GAN: variants seen among roughly 807,000 people sequenced by gnomAD.
The protein encoded by GAN is epididymis secretory sperm binding protein.
GAN carries 48 observed loss-of-function variants against 71.3 expected under a neutral mutation model. The ratio of observed to expected loss-of-function variants is 0.67; its 90% confidence interval spans 0.53 to 0.86. The LOEUF is 0.86. Ranked by LOEUF, GAN falls within the 40% of genes least tolerant of loss-of-function variation. The probability of loss-of-function intolerance (pLI) is 0.00; values close to 1 mark genes in which losing one functional copy is unlikely to be tolerated. For synonymous variants in GAN, 386 were observed against 276.8 expected (o/e 1.39, Z -3.92); for missense variants, 928 against 770.1 (o/e 1.21, Z -2.43).
rs1434038541 is a variant in GAN at position 81,382,319 on chromosome 16, T to TTTAG, written c.*4725_*4728dup. ...TATTTTTAGTAATAGAATAATCATT[T>TTTAG]TTAGTATTAATACAATTTACGCTCC... On this transcript the variant is annotated 3_prime_UTR_variant, in exon 11 of 11. Coordinates refer to ENST00000648994, the MANE Select transcript of GAN (RefSeq NM_022041.4). 1.3e-5 allele frequency: 2 copies of TTTAG among 152,238 alleles called. No homozygotes were observed. The highest frequency in any genetic ancestry group is 2.9e-5 in the Non-Finnish European group (2 of 68,044). The allele number at this position is 152,238 out of a possible 1,614,324, so 9.4% of individuals were successfully genotyped here.
chr16:81,322,514 C>G (rs918900945), intron 1 of GAN, among the ~76,000 whole-genome samples: 3 of 152,136 alleles, frequency 2.0e-5, no homozygotes, highest in Non-Finnish European at 2.9e-5. Context: ...GAAATACAGA[C>G]CAATTAAATA....
chr16:81,359,897 T>C (rs1172909158), intron 5 of GAN, among the ~76,000 whole-genome samples: 4 of 152,232 alleles, frequency 2.6e-5, no homozygotes, highest in Non-Finnish European at 5.9e-5. Context: ...AATATCTTAC[T>C]TTACTGAACT....
intron 1 of GAN, among the ~76,000 whole-genome samples, chr16:81,327,273 T>C (rs1187592589): frequency 6.6e-6 from 1 of 152,208 alleles, no homozygotes; most frequent in East Asian, 1.9e-4. Flanking sequence ...TTCAAGTTGT[T>C]TGGAGAAGTT....
intron 9 of GAN, among the ~76,000 whole-genome samples, chr16:81,372,734 A>T (rs1911076109): frequency 6.6e-6 from 1 of 152,238 alleles, no homozygotes; most frequent in South Asian, 2.1e-4. Flanking sequence ...TCTGGGAAGA[A>T]CTTAAATGCC....
intron 1 of GAN, among the ~76,000 whole-genome samples, chr16:81,348,065 C>T (rs1187841240): frequency 6.6e-6 from 1 of 152,078 alleles, no homozygotes; most frequent in Non-Finnish European, 1.5e-5. Flanking sequence ...GTTGCCCAGT[C>T]TGGTCTTGAA....
At chr16:81,318,438 G>C (rs1490626491) in intron 1 of GAN, among the ~76,000 whole-genome samples, 1 of 152,154 alleles carries the variant, frequency 6.6e-6, no homozygotes, top group African/African-American at 2.4e-5. Flanking sequence ...GGAGGCGGGA[G>C]GATCGTTTGA....
At chr16:81,342,562 A>G (rs1028428564) in intron 1 of GAN, among the ~76,000 whole-genome samples, 1 of 152,218 alleles carries the variant, frequency 6.6e-6, no homozygotes, top group African/African-American at 2.4e-5. Flanking sequence ...AGGCAGAAAT[A>G]AAGATTTTCT....
At chr16:81,360,751 A>C (rs1462559988) in intron 5 of GAN, among the ~76,000 whole-genome samples, 1 of 151,874 alleles carries the variant, frequency 6.6e-6, no homozygotes, top group African/African-American at 2.4e-5. Context: ...TTGTTTTTTA[A>C]ATAAATTTTA....
Position 81,365,079 on chromosome 16 carries a change from T to C in GAN, c.1342T>C (p.Trp448Arg). The C allele has an allele frequency of 1.9e-6, 3 of 1,613,998 alleles. No homozygotes were observed. Among genetic ancestry groups the C allele is most frequent in the Non-Finnish European group, 2.5e-6 (3 of 1,179,888 alleles). ...GTGTTATGATCCCAGGACCCAGCAG[T>C]GGACTGCCATATGTCCACTAAAAGA... ...VECYDPRTQQ[W>R]TAICPLKERR... Residue 448 changes from tryptophan to arginine, a missense_variant, in exon 8 of 11, where the codon TGG becomes CGG. Trp to Arg is a moderately radical substitution (Grantham distance 101). Transcript: ENST00000648994.
At chr16:81,356,647 G>C (rs1361456344) in intron 3 of GAN, 138 bp from the exon 4 acceptor site, 1 of 751,490 alleles carries the variant, frequency 1.3e-6, no homozygotes, top group Non-Finnish European at 2.5e-6. Context: ...TATTCAAGCA[G>C]CACGAGTGTG....
intron 1 of GAN, among the ~76,000 whole-genome samples, chr16:81,319,094 T>G (rs1043468113): frequency 6.6e-6 from 1 of 151,498 alleles, no homozygotes; most frequent in African/African-American, 2.4e-5. Flanking sequence ...GGCGGGAGGA[T>G]CCCTTGACCC....
chr16:81,376,513 G>GTGTGTA (rs1567500859), intron 9 of GAN, among the ~76,000 whole-genome samples: 3 of 134,606 alleles, frequency 2.2e-5, no homozygotes, highest in South Asian at 2.3e-4. Context: ...GTGTGTGTAT[G>GTGTGTA]TGTGTGTGTA....
In GAN at chr16:81,385,214, TTGACTTAGCTCAGGACATGAGAC is replaced by T. The variant is rs558333020; in HGVS notation, c.*7642_*7664del. 2.1e-3 allele frequency: 316 copies of T among 152,324 alleles called. 1 individual carries two copies. The highest frequency in any genetic ancestry group is 6.9e-3 in the African/African-American group (287 of 41,574). The allele number at this position is 152,324 out of a possible 1,614,324, so 9.4% of individuals were successfully genotyped here. On this transcript the variant is annotated 3_prime_UTR_variant, in exon 11 of 11. Transcript: ENST00000648994. ...CCAATGACAATCTGTTAGCACCCTG[TTGACTTAGCTCAGGACATGAGAC>T]TGACTTAGCTCAGGACATGAGACAT...
At chr16:81,337,821 G>A (rs1483644094) in intron 1 of GAN, among the ~76,000 whole-genome samples, 2 of 152,148 alleles carry the variant, frequency 1.3e-5, no homozygotes, top group Non-Finnish European at 2.9e-5. Flanking sequence ...TTTTTAAAAA[G>A]TTTGGCCAAA....
At position 81,381,658 on chromosome 16, in the gene GAN, A is replaced by G. The variant is rs1904305656; in HGVS notation, c.*4062A>G. On this transcript the variant is annotated 3_prime_UTR_variant, in exon 11 of 11. Coordinates refer to ENST00000648994, the MANE Select transcript of GAN (RefSeq NM_022041.4). ...CACCACTCTCCTACTCAAGGTCATA[A>G]ACCCACTATGGAACGGGCAAGGGCC... The G allele has an allele frequency of 6.6e-6, 1 of 152,264 alleles. No homozygotes were observed. Among genetic ancestry groups the G allele is most frequent in the South Asian group, 2.1e-4 (1 of 4,836 alleles). 9.4% of individuals were successfully genotyped at this position (152,264 alleles called of 1,614,324 possible).
At chr16:81,366,861 G>C (rs2150692779) in intron 9 of GAN, among the ~76,000 whole-genome samples, 1 of 152,016 alleles carries the variant, frequency 6.6e-6, no homozygotes, top group East Asian at 1.9e-4. Flanking sequence ...GTCTCGCTCT[G>C]TCGCCCGGGC....
At chr16:81,352,738 G>C (rs1255723516) in intron 2 of GAN, among the ~76,000 whole-genome samples, 1 of 152,160 alleles carries the variant, frequency 6.6e-6, no homozygotes, top group Non-Finnish European at 1.5e-5. Flanking sequence ...CTCAGCACTA[G>C]TGGGTGGGTG....
chr16:81,346,633 G>C (rs192261632), intron 1 of GAN, among the ~76,000 whole-genome samples: 2 of 152,348 alleles, frequency 1.3e-5, no homozygotes. Flanking sequence ...ACTCCCTTCT[G>C]TGGAAAGATT....
intron 5 of GAN, among the ~76,000 whole-genome samples, chr16:81,359,772 T>A (rs1447533967): frequency 6.6e-6 from 1 of 152,124 alleles, no homozygotes; most frequent in African/African-American, 2.4e-5. Context: ...TTACTATACA[T>A]CCATACCCAT....
Sources: gnomAD v4.1 joint callset for allele counts (sites outside exome capture counted in the v4.1 genomes callset) on GRCh38, gnomAD v4.1.1 for gene constraint, MANE v1.5 for transcripts, NCBI Gene and HGNC (gene_info 2026-07-23, HGNC 2026-07-21) for gene names.